The following FTO variants were observed in gnomAD, a reference collection of about 807,000 sequenced individuals.
FTO encodes alpha-ketoglutarate-dependent dioxygenase FTO.
Under a neutral mutation model 63.9 loss-of-function variants are expected in FTO, and 47 were observed. The observed-to-expected ratio is 0.74, with a 90% confidence interval of 0.58 to 0.94. The LOEUF is 0.94. Among genes scored for constraint, FTO ranks in the 40% least tolerant of loss-of-function variants. FTO has a pLI of 0.00. For synonymous variants in FTO, 207 were observed against 224.4 expected (o/e 0.92, Z 0.69); for missense variants, 562 against 618.1 (o/e 0.91, Z 0.96).
chr16:54,008,444 A>G (rs1169488732), intron 8 of FTO: 1 of 148,600 alleles, frequency 6.7e-6, no homozygotes, highest in Non-Finnish European at 1.5e-5. Context: ...AGCTTCGTTT[A>G]TACTTCCAAA....
chr16:53,902,703 T>C (rs918665078), intron 7 of FTO, among the ~76,000 whole-genome samples: 1 of 152,200 alleles, frequency 6.6e-6, no homozygotes, highest in African/African-American at 2.4e-5. Context: ...TGCATTGTCT[T>C]ATTCTGGCTA....
chr16:53,771,350 C>T (rs999174869), intron 1 of FTO, among the ~76,000 whole-genome samples: 40 of 152,174 alleles, frequency 2.6e-4, no homozygotes, highest in African/African-American at 9.6e-4. Context: ...TCTGTTGCAT[C>T]TGTCTTCAGA....
chr16:54,053,276 C>T (rs930095245), intron 8 of FTO, among the ~76,000 whole-genome samples: 1 of 152,156 alleles, frequency 6.6e-6, no homozygotes, highest in Non-Finnish European at 1.5e-5. Context: ...GATGGGCTAG[C>T]GCCTGTTTTC....
intron 8 of FTO, among the ~76,000 whole-genome samples, chr16:54,078,914 G>T (rs988253263): frequency 3.3e-5 from 5 of 151,894 alleles, no homozygotes; most frequent in African/African-American, 7.3e-5. Flanking sequence ...ATCTAAAACA[G>T]AGAAACAGTT....
intron 7 of FTO, among the ~76,000 whole-genome samples, chr16:53,901,434 C>G (rs2081400601): frequency 6.6e-6 from 1 of 152,188 alleles, no homozygotes; most frequent in South Asian, 2.1e-4. Context: ...GAACTCAATA[C>G]TTGCATAAAA....
intron 2 of FTO, among the ~76,000 whole-genome samples, chr16:53,823,745 G>C (rs1445166863): frequency 6.6e-6 from 1 of 152,072 alleles, no homozygotes; most frequent in Non-Finnish European, 1.5e-5. Context: ...AATTAGCCAG[G>C]TGTGGTGGCG....
At chr16:53,771,596 T>A (rs1227643016) in intron 1 of FTO, among the ~76,000 whole-genome samples, 1 of 152,128 alleles carries the variant, frequency 6.6e-6, no homozygotes, top group African/African-American at 2.4e-5. Context: ...AGTTACCATA[T>A]AACCCGGCAA....
intron 1 of FTO, among the ~76,000 whole-genome samples, chr16:53,764,475 C>CAAAAAAAAAAAAAAAA (rs56906281): frequency 8.4e-5 from 10 of 118,698 alleles, no homozygotes; most frequent in East Asian, 2.6e-4. Flanking sequence ...ACTAAAAATA[C>CAAAAAAAAAAAAAAAA]AAAAAAAAAA....
intron 1 of FTO, among the ~76,000 whole-genome samples, chr16:53,799,159 A>C (rs938186101): frequency 2.0e-5 from 3 of 152,080 alleles, no homozygotes; most frequent in African/African-American, 4.8e-5. Context: ...ATTTATATGC[A>C]TGAGGGATAT....
intron 2 of FTO, among the ~76,000 whole-genome samples, chr16:53,816,441 A>G (rs1238501402): frequency 1.3e-5 from 2 of 152,040 alleles, no homozygotes; most frequent in South Asian, 2.1e-4. Context: ...ACAAAGCTCT[A>G]CATGCTTGGG....
Position 53,963,472 on chromosome 16 carries a change from G to A in FTO, c.1364+29363G>A, listed in dbSNP as rs570686677. 2.6e-5 allele frequency among the ~76,000 whole-genome samples: 4 copies of A among 152,312 alleles called. No individual in the cohort carries two copies. The South Asian group carries it at 8.3e-4, about 32-fold the overall frequency. On this transcript the variant is annotated intron_variant, in intron 8 of 8. Coordinates refer to ENST00000471389, the MANE Select transcript of FTO (RefSeq NM_001080432.3). ...TCAAATTGTAATCCCCAGTGTTGGA[G>A]GAGGAGCCTGGTGGGAGGTGTTTGG...
intron 1 of FTO, among the ~76,000 whole-genome samples, chr16:53,804,175 T>C (rs2151720921): frequency 6.6e-6 from 1 of 152,316 alleles, no homozygotes; most frequent in East Asian, 1.9e-4. Context: ...GAACTGGCAT[T>C]GGAATTCAAG....
At chr16:53,776,858 T>G (rs1003266091) in intron 1 of FTO, among the ~76,000 whole-genome samples, 1 of 152,170 alleles carries the variant, frequency 6.6e-6, no homozygotes, top group Non-Finnish European at 1.5e-5. Context: ...TTTAATTGCT[T>G]CTTCAGCTAT....
intron 8 of FTO, among the ~76,000 whole-genome samples, chr16:54,050,489 G>C (rs1285473363): frequency 1.3e-5 from 2 of 152,106 alleles, no homozygotes; most frequent in Non-Finnish European, 2.9e-5. Flanking sequence ...TGGATGAAGA[G>C]GAAGAGAAGG....
At chr16:54,054,711 T>C (rs1599284013) in intron 8 of FTO, 1 of 152,038 alleles carries the variant, frequency 6.6e-6, no homozygotes, top group Non-Finnish European at 1.5e-5. Flanking sequence ...CTGAATTAAG[T>C]CTCTGGAAGT....
intron 7 of FTO, among the ~76,000 whole-genome samples, chr16:53,927,967 G>C (rs1196413740): frequency 6.6e-6 from 1 of 152,152 alleles, no homozygotes; most frequent in Non-Finnish European, 1.5e-5. Context: ...GCATAACCTA[G>C]CACAAGGTAG....
intron 7 of FTO, among the ~76,000 whole-genome samples, chr16:53,916,025 G>A (rs1664871743): frequency 6.6e-6 from 1 of 152,194 alleles, no homozygotes; most frequent in African/African-American, 2.4e-5. Flanking sequence ...CCTTGGGGCA[G>A]CTCAAAGCAA....
chr16:54,099,907 A>T (rs1488994244), intron 8 of FTO, among the ~76,000 whole-genome samples: 1 of 152,104 alleles, frequency 6.6e-6, no homozygotes, highest in Non-Finnish European at 1.5e-5. Context: ...TCTGAAATGG[A>T]GCTGAATTGA....
intron 1 of FTO, among the ~76,000 whole-genome samples, chr16:53,773,633 G>A (rs1337801155): frequency 6.6e-6 from 1 of 152,106 alleles, no homozygotes; most frequent in Non-Finnish European, 1.5e-5. Context: ...TACATTCTGT[G>A]GAGAAAGTTG....
Sources: allele counts gnomAD v4.1 joint callset (sites outside exome capture counted in the v4.1 genomes callset), GRCh38; gene constraint gnomAD v4.1.1; transcripts MANE v1.5; gene names NCBI Gene and HGNC (gene_info 2026-07-23, HGNC 2026-07-21).